DDHD1: variants seen among roughly 807,000 people sequenced by gnomAD.
The protein encoded by DDHD1 is phospholipase DDHD1.
In DDHD1, 49 loss-of-function variants were observed where a neutral mutation model predicts 96.4. The observed-to-expected ratio is 0.51, with a 90% CI of 0.40 to 0.64. The LOEUF is 0.64. Ranked by LOEUF, DDHD1 falls within the 30% of genes least tolerant of loss-of-function variation. DDHD1 has a pLI of 0.00. For synonymous variants in DDHD1, 442 were observed against 446.5 expected, an observed-to-expected ratio of 0.99 and a Z score of 0.13; for missense variants, 1,106 against 1,161.2, an observed-to-expected ratio of 0.95 and a Z score of 0.69.
At chr14:53,093,184 A>T in intron 3 of DDHD1, 132 bp downstream of exon 3, 1 of 873,410 alleles carries the variant, frequency 1.1e-6, no homozygotes. Flanking sequence ...AGTTTCATTT[A>T]AAAAGGAATC....
Position 53,152,758 on chromosome 14 carries a change from G to C in DDHD1, c.341C>G (p.Ser114Cys), listed in dbSNP as rs753310279. 1.3e-6 allele frequency: 2 copies of C among 1,514,140 alleles called. No individual in the cohort carries two copies. The highest frequency in any genetic ancestry group is 4.2e-5 in the Admixed American group (2 of 48,118). 93.8% of individuals were successfully genotyped at this position (1,514,140 alleles called of 1,614,324 possible). The change falls in exon 1 of 13, where the codon TCC (serine) becomes TGC (cysteine). Residue 114 changes from serine (S) to cysteine (C), a missense_variant. Physicochemically the swap from Ser to Cys is moderately radical, Grantham distance 112 (BLOSUM62 -1). Coordinates refer to ENST00000673822, the MANE Select transcript of DDHD1 (RefSeq NM_001160148.2). Reference sequence around the variant, plus strand: ...CTGCTGCGGCGGGTGCAGCGACAAGGAGCTGCCGCCGCCGCCGCTCTCACC... The same window carrying C: ...CTGCTGCGGCGGGTGCAGCGACAAGCAGCTGCCGCCGCCGCCGCTCTCACC... ...SEGESGGGGSSLSLHPPQQPP... is the reference protein window; with the variant it reads ...SEGESGGGGSCLSLHPPQQPP...
At chr14:53,112,915 C>G (rs12434543) in intron 1 of DDHD1, among the ~76,000 whole-genome samples, 133,147 of 152,184 alleles carry the variant, frequency 0.87, 58,320 homozygotes, top group East Asian at 0.98. Flanking sequence ...AGATATGTTA[C>G]AGTCACTTGG....
intron 2 of DDHD1, among the ~76,000 whole-genome samples, chr14:53,098,876 T>C (rs1161837756): frequency 6.6e-6 from 1 of 152,130 alleles, no homozygotes; most frequent in Non-Finnish European, 1.5e-5. Context: ...TCTTTTACTT[T>C]CAATTTATCT....
At chr14:53,147,559 T>C (rs1164400141) in intron 1 of DDHD1, among the ~76,000 whole-genome samples, 1 of 152,202 alleles carries the variant, frequency 6.6e-6, no homozygotes, top group African/African-American at 2.4e-5. Context: ...TGCCAAGTCC[T>C]GCCATCCATA....
At chr14:53,152,157 T>C in intron 1 of DDHD1, 104 bp downstream of exon 1, 1 of 1,188,984 alleles carries the variant, frequency 8.4e-7, no homozygotes, top group Non-Finnish European at 1.1e-6. Context: ...ACGCCAGGCC[T>C]CACGCGCCTC....
At chr14:53,069,616 T>C (rs1884342272) in intron 6 of DDHD1, among the ~76,000 whole-genome samples, 1 of 152,208 alleles carries the variant, frequency 6.6e-6, no homozygotes. Flanking sequence ...ATTGTGGTGG[T>C]CTGAAACCAA....
rs1258689229 is a variant in DDHD1, at chr14:53,093,440, A to C, written c.1017T>G (p.Val339=). Residue 339 remains valine (V), a synonymous_variant, in exon 3 of 13, where the codon GTT becomes GTG. Coordinates refer to ENST00000673822, the MANE Select transcript of DDHD1 (RefSeq NM_001160148.2). ...GGTTTCGACTCAACTTGAAACTATG[A>C]ACAGCTATTGCAAAAAGGAAAAGCT... ...VSKSIDGKDA[V]HSFKLSRNHV... The C allele has an allele frequency of 6.2e-7, 1 of 1,609,812 alleles. No homozygotes were observed. Among genetic ancestry groups the C allele is most frequent in the South Asian group, 1.1e-5 (1 of 89,298 alleles).
chr14:53,139,845 A>C (rs969834653), intron 1 of DDHD1, among the ~76,000 whole-genome samples: 22 of 6,366 alleles, frequency 3.5e-3, no homozygotes, highest in Admixed American at 0.028. Flanking sequence ...AGAGACCACA[A>C]AAAAAAAAAA....
intron 2 of DDHD1, 53 bp downstream of exon 2, chr14:53,103,630 A>G (rs979007259): frequency 5.0e-6 from 7 of 1,403,886 alleles, no homozygotes; most frequent in Non-Finnish European, 6.6e-6. Context: ...TCTAAACTTT[A>G]TCAACAACTT....
At chr14:53,087,755 G>C (rs1026782375) in intron 4 of DDHD1, among the ~76,000 whole-genome samples, 1 of 152,126 alleles carries the variant, frequency 6.6e-6, no homozygotes, top group Non-Finnish European at 1.5e-5. Context: ...AAAAGAACTA[G>C]AGAAGCAAGA....
At chr14:53,143,850 T>C (rs1890806652) in intron 1 of DDHD1, among the ~76,000 whole-genome samples, 1 of 152,206 alleles carries the variant, frequency 6.6e-6, no homozygotes, top group South Asian at 2.1e-4. Context: ...TGAATAAATT[T>C]TGCTTCTAAG....
At chr14:53,084,082 T>C (rs1396286665) in intron 4 of DDHD1, among the ~76,000 whole-genome samples, 1 of 152,202 alleles carries the variant, frequency 6.6e-6, no homozygotes, top group African/African-American at 2.4e-5. Flanking sequence ...GCTACATACA[T>C]AGATTCAGGA....
At chr14:53,085,796 G>A (rs1445236041) in intron 4 of DDHD1, among the ~76,000 whole-genome samples, 4 of 152,184 alleles carry the variant, frequency 2.6e-5, no homozygotes, top group African/African-American at 9.7e-5. Flanking sequence ...GACAGAGAAT[G>A]ACTTTGATGA....
In DDHD1 at chr14:53,153,031, G is replaced by GCGC. The variant is rs752119831; in HGVS notation, c.65_67dup (p.Gly22dup). On this transcript the variant is annotated inframe_insertion, in exon 1 of 13. Coordinates refer to ENST00000673822, the MANE Select transcript of DDHD1 (RefSeq NM_001160148.2). ...CCTCGCGTCTGAGCCCAGCTCCCAG[G>GCGC]CGCCGCCGCCGCCGCCTCGGCCGTT... is the stretch of plus-strand genomic sequence containing the variant. 126 of 1,497,888 alleles carry GCGC rather than the reference G, an allele frequency of 8.4e-5. No homozygotes were observed. The highest frequency in any genetic ancestry group is 1.7e-4 in the East Asian group (6 of 35,946). The allele number at this position is 1,497,888 out of a possible 1,614,324, so 92.8% of individuals were successfully genotyped here.
chr14:53,109,161 C>T (rs1887919389), intron 1 of DDHD1, among the ~76,000 whole-genome samples: 1 of 151,244 alleles, frequency 6.6e-6, no homozygotes, highest in Non-Finnish European at 1.5e-5. Context: ...TCAATTTTAT[C>T]CCCACTTCCT....
At position 53,068,230 on chromosome 14, in the gene DDHD1, G is replaced by A. The variant is rs886241912; in HGVS notation, c.1503+4367C>T. Among the ~76,000 whole-genome samples, 7 of 132,766 alleles carry A rather than the reference G, an allele frequency of 5.3e-5. No individual in the cohort carries two copies. The East Asian group carries it at 9.1e-4, about 17-fold the overall frequency. 87.1% of individuals were successfully genotyped at this position (132,766 alleles called of 152,430 possible). On this transcript the variant is annotated intron_variant, in intron 6 of 12. Transcript: ENST00000673822. The stretch of plus-strand genomic sequence containing the variant: ...TCAGGAACATTTTCCGCAGCCACTC[G>A]GCCTTTATGATACTTTTTTTTTTTT...
intron 6 of DDHD1, among the ~76,000 whole-genome samples, chr14:53,070,341 A>C (rs898578979): frequency 1.3e-5 from 2 of 152,176 alleles, no homozygotes; most frequent in Non-Finnish European, 2.9e-5. Context: ...TATCAGAACA[A>C]TCTACCAGTT....
At chr14:53,069,093 G>A (rs1306796990) in intron 6 of DDHD1, among the ~76,000 whole-genome samples, 1 of 152,144 alleles carries the variant, frequency 6.6e-6, no homozygotes. Flanking sequence ...TGGCCAGTGT[G>A]AGCTGCTTAA....
At chr14:53,058,041 T>C (rs935899762) in intron 9 of DDHD1, among the ~76,000 whole-genome samples, 24 of 152,158 alleles carry the variant, frequency 1.6e-4, no homozygotes, top group African/African-American at 5.3e-4. Context: ...AGTTTCACCA[T>C]GTTGCCCAGG....
Sources: allele counts gnomAD v4.1 joint callset (sites outside exome capture counted in the v4.1 genomes callset), GRCh38; gene constraint gnomAD v4.1.1; transcripts MANE v1.5; gene names NCBI Gene and HGNC (gene_info 2026-07-23, HGNC 2026-07-21).